Variants in FLT3 observed in about 807,000 individuals in gnomAD.
FLT3 encodes fms related receptor tyrosine kinase 3, also known as receptor-type tyrosine-protein kinase FLT3.
Under a neutral mutation model 126.6 loss-of-function variants are expected in FLT3, and 46 were observed. The ratio of observed to expected loss-of-function variants is 0.36; its 90% CI spans 0.29 to 0.46. The LOEUF (loss-of-function observed/expected upper bound fraction) is 0.46, where lower values mean the gene tolerates loss of function less well. FLT3 is among the 20% of genes least tolerant of loss of function. The pLI, the probability that FLT3 is intolerant of heterozygous loss-of-function variation, is 1.00. For missense variants in FLT3, 1,069 were observed against 1,190.3 expected (o/e 0.90, Z 1.50); for synonymous variants, 404 against 434.4 (o/e 0.93, Z 0.87).
intron 15 of FLT3, among the ~76,000 whole-genome samples, chr13:28,029,063 T>G (rs1873078379): frequency 6.6e-6 from 1 of 152,124 alleles, no homozygotes; most frequent in Non-Finnish European, 1.5e-5. Flanking sequence ...AATACAGGCA[T>G]GAGCCACCAT....
At chr13:28,035,412 TC>T in intron 12 of FLT3, 82 bp downstream of exon 12, 1 of 1,311,814 alleles carries the variant, frequency 7.6e-7, no homozygotes, top group Middle Eastern at 1.9e-4. Context: ...CCTGTAAAAT[TC>T]CCCAAGTAAA....
intron 9 of FLT3, among the ~76,000 whole-genome samples, chr13:28,041,477 TAG>T (rs1874374925): frequency 1.3e-5 from 2 of 152,220 alleles, no homozygotes; most frequent in African/African-American, 4.8e-5. Context: ...GCTGTCTTAA[TAG>T]AGTGTGGTTT....
chr13:28,022,232 C>A (rs778006885), intron 19 of FLT3, among the ~76,000 whole-genome samples: 4 of 152,022 alleles, frequency 2.6e-5, no homozygotes, highest in Admixed American at 1.3e-4. Flanking sequence ...AGAAAAAAGG[C>A]CGAGTGTGGT....
chr13:28,092,090 A>C (rs1159988858), intron 1 of FLT3, among the ~76,000 whole-genome samples: 3 of 152,158 alleles, frequency 2.0e-5, no homozygotes, highest in Non-Finnish European at 2.9e-5. Flanking sequence ...AATAAAATAA[A>C]AAAGAATATA....
chr13:28,056,569 T>C (rs1179105960), intron 4 of FLT3, among the ~76,000 whole-genome samples: 1 of 152,116 alleles, frequency 6.6e-6, no homozygotes, highest in Non-Finnish European at 1.5e-5. Flanking sequence ...CTGTGCATGA[T>C]GGGGACGAAA....
chr13:28,083,991 T>C (rs1340789995), intron 1 of FLT3, among the ~76,000 whole-genome samples: 2 of 152,070 alleles, frequency 1.3e-5, no homozygotes, highest in Non-Finnish European at 2.9e-5. Flanking sequence ...ACCCTGATGA[T>C]TATTACTGTG....
intron 15 of FLT3, among the ~76,000 whole-genome samples, chr13:28,032,802 G>A (rs1217752608): frequency 1.3e-5 from 2 of 152,226 alleles, no homozygotes; most frequent in Non-Finnish European, 2.9e-5. Context: ...TCTGGATGGA[G>A]AGAAGAATCA....
intron 21 of FLT3, 58 bp from the exon 22 acceptor site, chr13:28,015,314 T>A: frequency 8.9e-7 from 1 of 1,119,546 alleles, no homozygotes; most frequent in Non-Finnish European, 1.4e-6. Flanking sequence ...TGTTTATTGA[T>A]TCATTCAATT....
intron 5 of FLT3, among the ~76,000 whole-genome samples, chr13:28,051,613 C>T (rs553745271): frequency 1.9e-4 from 28 of 146,508 alleles, no homozygotes; most frequent in African/African-American, 7.1e-4. Flanking sequence ...GGCGCGATCT[C>T]GGCTTACTGC....
In FLT3 at chr13:28,015,199, T is replaced by C. The variant is rs539980970; in HGVS notation, c.2711A>G (p.Asn904Ser). 1.4e-5 allele frequency: 22 copies of C among 1,612,184 alleles called. No individual in the cohort carries two copies. In the South Asian group the frequency reaches 2.4e-4, roughly 18 times the overall value. ...AAATGGCTGATCCATTTTAAATCCA[T>C]TTTGAATCAGTTTGTAGAAGTTAGC... ...VDANFYKLIQNGFKMDQPFYA... is the reference protein window; with the variant it reads ...VDANFYKLIQSGFKMDQPFYA... Residue 904 changes from asparagine (N) to serine (S), a missense_variant, in exon 22 of 24, where the codon AAT becomes AGT. By Grantham distance (46) the Asn-to-Ser change is conservative. Transcript: ENST00000241453.
intron 5 of FLT3, 120 bp downstream of exon 5, chr13:28,052,425 G>T (rs926270151): frequency 1.5e-5 from 16 of 1,078,360 alleles, no homozygotes; most frequent in Admixed American, 4.8e-5. Flanking sequence ...ACTTTAAGAA[G>T]CCAAAGTTTC....
intron 23 of FLT3, among the ~76,000 whole-genome samples, chr13:28,008,686 C>T (rs1231706309): frequency 6.6e-6 from 1 of 151,602 alleles, no homozygotes; most frequent in Non-Finnish European, 1.5e-5. Context: ...ACCAGGTTGG[C>T]CAGGCTGGTC....
chr13:28,015,950 T>G (rs1158711945), intron 20 of FLT3, among the ~76,000 whole-genome samples: 1 of 152,156 alleles, frequency 6.6e-6, no homozygotes, highest in Admixed American at 6.5e-5. Flanking sequence ...ATGGGTAAGT[T>G]TAACTTGCCA....
chr13:28,073,624 C>A (rs1877719264), intron 1 of FLT3, among the ~76,000 whole-genome samples: 1 of 151,838 alleles, frequency 6.6e-6, no homozygotes. Context: ...TCTGCAAATC[C>A]ATCACCACAA....
intron 19 of FLT3, among the ~76,000 whole-genome samples, chr13:28,020,710 C>T (rs917054188): frequency 6.6e-6 from 1 of 152,090 alleles, no homozygotes; most frequent in African/African-American, 2.4e-5. Context: ...ATAAGATCTT[C>T]GAGCCCAGGA....
At chr13:28,057,207 A>T in intron 4 of FLT3, 140 bp downstream of exon 4, 1 of 631,024 alleles carries the variant, frequency 1.6e-6, no homozygotes. Context: ...GAGGGTTGAC[A>T]GGAATCTAAT....
rs146007443 is a variant in FLT3 at position 28,019,273 on chromosome 13, T to G, written c.2419-684A>C. ...TGAGCCACCGCGCCTGGCCAGCATC[T>G]CTTTTCTGACTGGAAAATAGCTTTA... On this transcript the variant is annotated intron_variant, in intron 19 of 23. Transcript: ENST00000241453. Among the ~76,000 whole-genome samples the G allele has an allele frequency of 3.3e-5, 5 of 152,250 alleles. No individual in the cohort carries two copies. The East Asian group carries it at 9.7e-4, about 29-fold the overall frequency.
chr13:28,062,866 C>T (rs1876695845), intron 2 of FLT3, among the ~76,000 whole-genome samples: 2 of 152,068 alleles, frequency 1.3e-5, no homozygotes, highest in African/African-American at 4.8e-5. Flanking sequence ...TTGCTCACTG[C>T]CCTTAGAAGG....
chr13:28,028,646 G>A (rs991400203), intron 15 of FLT3, among the ~76,000 whole-genome samples: 2 of 152,092 alleles, frequency 1.3e-5, no homozygotes, highest in Non-Finnish European at 2.9e-5. Flanking sequence ...GCAATTAGCT[G>A]AGACTGCACC....
Sources: gnomAD v4.1 joint callset for allele counts (sites outside exome capture counted in the v4.1 genomes callset) on GRCh38, gnomAD v4.1.1 for gene constraint, MANE v1.5 for transcripts, NCBI Gene and HGNC (gene_info 2026-07-23, HGNC 2026-07-21) for gene names.